ZNG1A: variants seen among roughly 807,000 people sequenced by gnomAD.
The protein encoded by ZNG1A is zinc-regulated GTPase metalloprotein activator 1A.
At chr9:139,807 A>C in the ZNG1A span, among the ~76,000 whole-genome samples, 4 of 151,294 alleles carry the variant, frequency 2.6e-5, no homozygotes, top group African/African-American at 9.8e-5. Context: ...GGGTGCGTGC[A>C]CCATCCGCGA....
chr9:127,642 G>A, the ZNG1A span, among the ~76,000 whole-genome samples: 1 of 152,044 alleles, frequency 6.6e-6, no homozygotes, highest in African/African-American at 2.4e-5. Context: ...CTGCAATTCT[G>A]TATCTTTTAA....
the ZNG1A span, among the ~76,000 whole-genome samples, chr9:131,297 T>C: frequency 6.9e-6 from 1 of 145,378 alleles, no homozygotes; most frequent in African/African-American, 2.7e-5. Flanking sequence ...AAATAAGGAA[T>C]TGTCTCTAAA....
At chr9:155,479 T>C in the ZNG1A span, among the ~76,000 whole-genome samples, 1 of 152,086 alleles carries the variant, frequency 6.6e-6, no homozygotes. Context: ...AAATGTCTTC[T>C]TTATCACTAT....
At chr9:160,284 C>A in the ZNG1A span, 1 of 415,944 alleles carries the variant, frequency 2.4e-6, no homozygotes, top group Non-Finnish European at 4.8e-6. Flanking sequence ...GATGGGCTGG[C>A]TCTGTGAAGC....
the ZNG1A span, among the ~76,000 whole-genome samples, chr9:169,387 G>A: frequency 1.4e-5 from 2 of 147,168 alleles, no homozygotes; most frequent in East Asian, 2.0e-4. Context: ...GACGGGAAAA[G>A]AACGTGGTTT....
chr9:152,742 T>A, the ZNG1A span, among the ~76,000 whole-genome samples: 1 of 149,802 alleles, frequency 6.7e-6, no homozygotes, highest in African/African-American at 2.5e-5. Flanking sequence ...ATCTTTTCCA[T>A]TGCCTATCAT....
chr9:160,083 C>A, the ZNG1A span: 5 of 454,678 alleles, frequency 1.1e-5, no homozygotes, highest in South Asian at 7.8e-5. Flanking sequence ...ATGTCAGTAG[C>A]CTGGGTGTCA....
the ZNG1A span, chr9:147,495 G>A: frequency 2.4e-5 from 3 of 123,608 alleles, no homozygotes; most frequent in African/African-American, 3.9e-5. Context: ...GTTAGATTAC[G>A]AATGCTTGTC....
the ZNG1A span, chr9:172,277 T>C: frequency 2.8e-6 from 4 of 1,446,202 alleles, no homozygotes; most frequent in South Asian, 3.8e-5. Context: ...AAAAGTACCC[T>C]TGGGAATGTG....
the ZNG1A span, chr9:122,142 A>G: frequency 6.3e-7 from 1 of 1,595,816 alleles, no homozygotes; most frequent in African/African-American, 1.3e-5. Flanking sequence ...TCAAACTTAA[A>G]AGCAGAAATA....
chr9:159,540 T>C, the ZNG1A span, among the ~76,000 whole-genome samples: 1 of 152,242 alleles, frequency 6.6e-6, no homozygotes, highest in African/African-American at 2.4e-5. Flanking sequence ...TATATATAAT[T>C]TTTACTTGTC....
chr9:149,926 AC>A, the ZNG1A span, among the ~76,000 whole-genome samples: 3 of 146,844 alleles, frequency 2.0e-5, no homozygotes. Flanking sequence ...AAGTCTTACC[AC>A]TAAGACGATG....
chr9:133,780 C>G, the ZNG1A span, among the ~76,000 whole-genome samples: 1 of 150,300 alleles, frequency 6.7e-6, no homozygotes, highest in Non-Finnish European at 1.5e-5. Flanking sequence ...GTAACAAATA[C>G]TCACTGAGTA....
At chr9:154,792 T>C in the ZNG1A span, 1 of 1,544,938 alleles carries the variant, frequency 6.5e-7, no homozygotes, top group Non-Finnish European at 8.8e-7. Context: ...CCAAAGCAAC[T>C]TGTCTAAAAT....
At chr9:142,231 G>T in the ZNG1A span, among the ~76,000 whole-genome samples, 1 of 141,626 alleles carries the variant, frequency 7.1e-6, no homozygotes, top group Non-Finnish European at 1.5e-5. Context: ...CAAATCAACA[G>T]AATATACATT....
chr9:173,659 C>T, the ZNG1A span, among the ~76,000 whole-genome samples: 3 of 152,110 alleles, frequency 2.0e-5, no homozygotes, highest in African/African-American at 7.2e-5. Flanking sequence ...AAGTAGCTAT[C>T]TTGAAGGCAT....
chr9:138,966 C>G, the ZNG1A span, among the ~76,000 whole-genome samples: 31 of 148,696 alleles, frequency 2.1e-4, no homozygotes, highest in Non-Finnish European at 1.3e-4. Context: ...AAATGTAGAG[C>G]CACCCACTAT....
At chr9:166,655 A>T in the ZNG1A span, 9 of 152,616 alleles carry the variant, frequency 5.9e-5, no homozygotes, top group African/African-American at 2.2e-4. Context: ...AAACAAGCTC[A>T]AAAGCAAGAA....
the ZNG1A span, among the ~76,000 whole-genome samples, chr9:138,900 C>G: frequency 3.9e-3 from 575 of 148,434 alleles, 10 homozygotes; most frequent in African/African-American, 0.013. Flanking sequence ...AACCCCATCT[C>G]AAAAAAATAA....
Sources: allele counts gnomAD v4.1 joint callset (sites outside exome capture counted in the v4.1 genomes callset), GRCh38; gene constraint gnomAD v4.1.1; transcripts MANE v1.5; gene names NCBI Gene and HGNC (gene_info 2026-07-23, HGNC 2026-07-21).